The following U2SURP variants were observed in gnomAD, a reference collection of about 807,000 sequenced individuals.
U2SURP encodes U2 snRNP associated SURP domain containing, also known as U2 snRNP-associated SURP motif-containing protein.
In U2SURP, 9 loss-of-function variants were observed where a neutral mutation model predicts 144.9. The observed-to-expected ratio is 0.06, with a 90% confidence interval of 0.04 to 0.11. The LOEUF is 0.11. Ranked by LOEUF, U2SURP falls within the 10% of genes least tolerant of loss-of-function variation. The pLI is 1.00. For synonymous variants in U2SURP, 408 were observed against 396.8 expected, an observed-to-expected ratio of 1.03 and a Z score of -0.33; for missense variants, 724 against 1,226.7, an observed-to-expected ratio of 0.59 and a Z score of 6.12.
At position 143,059,137 on chromosome 3, in the gene U2SURP, T is replaced by G. The variant is rs1210845523; in HGVS notation, c.*2687T>G. Reference sequence around the variant, plus strand: ...TAACGTTATAGTTCCTTATTACAGATAGTAAGCATATGGGAATTTCTGAGC... The same window carrying G: ...TAACGTTATAGTTCCTTATTACAGAGAGTAAGCATATGGGAATTTCTGAGC... On this transcript the variant is annotated 3_prime_UTR_variant, in exon 28 of 28. Coordinates refer to ENST00000473835, the MANE Select transcript of U2SURP (RefSeq NM_001080415.2). 1 of 152,374 alleles carries G rather than the reference T, an allele frequency of 6.6e-6. No homozygotes were observed. Among genetic ancestry groups the G allele is most frequent in the African/African-American group, 2.4e-5 (1 of 41,430 alleles). 9.4% of individuals were successfully genotyped at this position (152,374 alleles called of 1,614,324 possible). A position where few individuals can be genotyped will look rare whatever the true frequency, so the allele number is the denominator to read the frequency against.
At chr3:143,056,233 A>T (rs1935144252) in intron 27 of U2SURP, 79 bp from the exon 28 acceptor site, 1 of 1,449,350 alleles carries the variant, frequency 6.9e-7, no homozygotes. Flanking sequence ...GTTAAAGATC[A>T]TTTTCGATCG....
chr3:143,020,501 T>A (rs1165808475), intron 7 of U2SURP, 98 bp from the exon 8 acceptor site: 3 of 792,658 alleles, frequency 3.8e-6, no homozygotes. Context: ...TTACAGATAT[T>A]TCTAGTTATT....
At chr3:143,036,215 C>A in intron 20 of U2SURP, 111 bp downstream of exon 20, 1 of 1,212,564 alleles carries the variant, frequency 8.2e-7, no homozygotes, top group African/African-American at 1.6e-5. Flanking sequence ...TGAAAAATAT[C>A]TATTGCTTAC....
Position 143,056,512 on chromosome 3 carries a change from TG to T in U2SURP, c.*63del. 1 of 1,566,690 alleles carries T rather than the reference TG, an allele frequency of 6.4e-7. No homozygotes were observed. Among genetic ancestry groups the T allele is most frequent in the Non-Finnish European group, 8.6e-7 (1 of 1,159,314 alleles). On this transcript the variant is annotated 3_prime_UTR_variant, in exon 28 of 28. Transcript: ENST00000473835. The stretch of plus-strand genomic sequence containing the variant: ...CGATTTGTTTTGTGCCTGAACGGTC[TG>T]TTTTTTAAAAAAACAAAAAATCAAA...
intron 26 of U2SURP, among the ~76,000 whole-genome samples, chr3:143,054,380 A>G (rs1031466681): frequency 6.6e-6 from 1 of 152,244 alleles, no homozygotes; most frequent in African/African-American, 2.4e-5. Flanking sequence ...AGTCTAGCTT[A>G]GTCACGCTAC....
At chr3:143,020,331 C>A (rs1001001510) in intron 7 of U2SURP, among the ~76,000 whole-genome samples, 6 of 152,130 alleles carry the variant, frequency 3.9e-5, no homozygotes. Flanking sequence ...GGCAGTTAGA[C>A]TTAGCAAGAA....
chr3:143,035,300 A>G (rs1933752833), intron 19 of U2SURP, among the ~76,000 whole-genome samples: 1 of 152,188 alleles, frequency 6.6e-6, no homozygotes, highest in Admixed American at 6.5e-5. Flanking sequence ...CATTTTAATC[A>G]TGTTTAGAAA....
At chr3:143,034,780 T>G in intron 18 of U2SURP, 108 bp from the exon 19 acceptor site, 1 of 660,896 alleles carries the variant, frequency 1.5e-6, no homozygotes, top group Non-Finnish European at 2.6e-6. Flanking sequence ...AATAATTTCT[T>G]GATTTGTAAG....
intron 24 of U2SURP, among the ~76,000 whole-genome samples, chr3:143,044,306 T>TTTTTTTTTTTTTA (rs1934291403): frequency 3.0e-5 from 4 of 132,714 alleles, no homozygotes; most frequent in South Asian, 2.5e-4. Flanking sequence ...TTTTTTTTTT[T>TTTTTTTTTTTTTA]GAGACGGGGT....
intron 23 of U2SURP, among the ~76,000 whole-genome samples, chr3:143,042,705 T>C (rs1934184008): frequency 6.6e-6 from 1 of 152,192 alleles, no homozygotes; most frequent in African/African-American, 2.4e-5. Context: ...TATTTGTGAA[T>C]ATTGTTGCTC....
intron 12 of U2SURP, among the ~76,000 whole-genome samples, chr3:143,023,641 C>T (rs1932963756): frequency 6.6e-6 from 1 of 152,092 alleles, no homozygotes; most frequent in African/African-American, 2.4e-5. Flanking sequence ...AACAAAGTAG[C>T]GAACTGTATG....
intron 13 of U2SURP, among the ~76,000 whole-genome samples, chr3:143,024,310 G>A (rs9681522): frequency 0.012 from 1,838 of 152,140 alleles, 39 homozygotes; most frequent in African/African-American, 0.042. Context: ...TATTGTCATG[G>A]GAAAATAGAT....
At position 143,059,568 on chromosome 3, in the gene U2SURP, T is replaced by C. The variant is rs1935293695; in HGVS notation, c.*3118T>C. On this transcript the variant is annotated 3_prime_UTR_variant, in exon 28 of 28. Coordinates refer to ENST00000473835, the MANE Select transcript of U2SURP (RefSeq NM_001080415.2). Reference sequence around the variant, plus strand: ...CAATAGTTTATCATCATCATTATTGTTATTCAAAATAAGGGTAAATAAATC... The same window carrying C: ...CAATAGTTTATCATCATCATTATTGCTATTCAAAATAAGGGTAAATAAATC... 1 of 152,002 alleles carries C rather than the reference T, an allele frequency of 6.6e-6. No individual in the cohort carries two copies. Among genetic ancestry groups the C allele is most frequent in the Admixed American group, 6.6e-5 (1 of 15,250 alleles). The allele number at this position is 152,002 out of a possible 1,614,324, so 9.4% of individuals were successfully genotyped here.
chr3:143,033,842 TA>T (rs938793748), intron 18 of U2SURP, among the ~76,000 whole-genome samples: 1 of 152,172 alleles, frequency 6.6e-6, no homozygotes. Context: ...ACACTTAAGC[TA>T]AATTACCAAT....
chr3:143,019,891 G>GT, intron 6 of U2SURP, 78 bp from the exon 7 acceptor site: 1 of 713,194 alleles, frequency 1.4e-6, no homozygotes, highest in Non-Finnish European at 2.1e-6. Flanking sequence ...CTGAAATGAT[G>GT]TAAAAAGGCT....
Position 143,012,213 on chromosome 3 carries a change from T to C in U2SURP, c.91-9T>C, listed in dbSNP as rs1441196597. The stretch of plus-strand genomic sequence containing the variant: ...TTTGTTTTTTTCTCTTGTTTTACTT[T>C]TCCTGAAGATGGATGCATCTGGACC... On this transcript the variant is annotated splice_polypyrimidine_tract_variant and intron_variant, in intron 2 of 27. Transcript: ENST00000473835. 8 of 1,606,262 alleles carry C rather than the reference T, an allele frequency of 5.0e-6. No individual in the cohort carries two copies. The highest frequency in any genetic ancestry group is 6.8e-6 in the Non-Finnish European group (8 of 1,177,398).
At chr3:143,033,630 G>A (rs1422214309) in intron 18 of U2SURP, among the ~76,000 whole-genome samples, 2 of 152,154 alleles carry the variant, frequency 1.3e-5, no homozygotes, top group Non-Finnish European at 2.9e-5. Context: ...ATTAGGTATT[G>A]TAAGTAACCT....
intron 12 of U2SURP, 32 bp from the exon 13 acceptor site, chr3:143,023,943 A>G (rs761144643): frequency 6.2e-6 from 10 of 1,606,130 alleles, no homozygotes; most frequent in South Asian, 2.2e-5. Flanking sequence ...CACATATTCT[A>G]TGTTTATTAT....
chr3:143,044,953 C>G (rs1934343751), intron 24 of U2SURP, among the ~76,000 whole-genome samples: 1 of 152,110 alleles, frequency 6.6e-6, no homozygotes, highest in Non-Finnish European at 1.5e-5. Context: ...TTATTTTTTC[C>G]TGGGATGTAT....
Sources: gnomAD v4.1 joint callset for allele counts (sites outside exome capture counted in the v4.1 genomes callset) on GRCh38, gnomAD v4.1.1 for gene constraint, MANE v1.5 for transcripts, NCBI Gene and HGNC (gene_info 2026-07-23, HGNC 2026-07-21) for gene names.